The following SYNE1 variants were observed in gnomAD, a reference collection of about 807,000 sequenced individuals.
SYNE1 encodes the protein nesprin-1.
A neutral mutation model predicts 1,111.0 loss-of-function variants in SYNE1; 616 were observed. The observed-to-expected ratio is 0.55, with a 90% confidence interval of 0.52 to 0.59. The LOEUF is 0.59. Among genes scored for constraint, SYNE1 ranks in the 20% least tolerant of loss-of-function variants. SYNE1 has a pLI of 0.00. For missense variants in SYNE1, 10,006 were observed against 10,417.0 expected (o/e 0.96, Z 1.72); for synonymous variants, 3,855 against 3,825.8 (o/e 1.01, Z -0.28).
intron 3 of SYNE1, among the ~76,000 whole-genome samples, chr6:152,559,982 T>C (rs989212012): frequency 1.3e-5 from 2 of 152,180 alleles, no homozygotes; most frequent in African/African-American, 2.4e-5. Flanking sequence ...ATATGAACAA[T>C]TGTATATCAA....
chr6:152,311,006 A>G, intron 87 of SYNE1, 133 bp from the exon 88 acceptor site: 1 of 844,318 alleles, frequency 1.2e-6, no homozygotes, highest in Non-Finnish European at 1.9e-6. Flanking sequence ...ACCCCCCATG[A>G]CCACTTTCTA....
intron 95 of SYNE1, among the ~76,000 whole-genome samples, chr6:152,292,444 G>A (rs548223373): frequency 1.3e-5 from 2 of 152,260 alleles, no homozygotes; most frequent in African/African-American, 4.8e-5. Flanking sequence ...TATGCACTTC[G>A]ATCTCTATCT....
At position 152,167,845 on chromosome 6, in the gene SYNE1, C is replaced by T. The variant is rs182900578; in HGVS notation, c.23628-3520G>A. ...TACTCTAGCCATACTCCTTGTATGA[C>T]GCATACGGTCCAGAGACAACTGGAA... On this transcript the variant is annotated intron_variant, in intron 130 of 145. Coordinates refer to ENST00000367255, the MANE Select transcript of SYNE1 (RefSeq NM_182961.4). 102 of 649,804 alleles carry T rather than the reference C, an allele frequency of 1.6e-4. 2 individuals are homozygous for T. The highest frequency in any genetic ancestry group is 8.6e-4 in the African/African-American group (48 of 56,114). The allele number at this position is 649,804 out of a possible 1,614,324, so 40.3% of individuals were successfully genotyped here.
intron 3 of SYNE1, among the ~76,000 whole-genome samples, chr6:152,622,689 A>T (rs2099678179): frequency 6.6e-6 from 1 of 152,100 alleles, no homozygotes; most frequent in Non-Finnish European, 1.5e-5. Context: ...AGATTGATGC[A>T]ATGTCTTTAC....
chr6:152,211,385 G>T, intron 124 of SYNE1, 109 bp downstream of exon 124: 2 of 901,884 alleles, frequency 2.2e-6, no homozygotes, highest in Non-Finnish European at 1.8e-6. Flanking sequence ...CCCCACTACA[G>T]TTCAATTGCC....
intron 14 of SYNE1, chr6:152,480,662 C>T (rs1177490622): frequency 7.2e-6 from 3 of 416,326 alleles, no homozygotes; most frequent in African/African-American, 6.2e-5. Context: ...TACCCATGCC[C>T]AGGCCTAGTA....
chr6:152,139,932 A>G lies in SYNE1; in HGVS notation c.25458+18T>C. On this transcript the variant is annotated intron_variant, in intron 140 of 145. Coordinates refer to ENST00000367255, the MANE Select transcript of SYNE1 (RefSeq NM_182961.4). ...GGCTCTCTGTTTGTCCGCCGTGGGA[A>G]AGGCAAGGGGCAGCTACCTTGAGCT... 1 of 1,612,554 alleles carries G rather than the reference A, an allele frequency of 6.2e-7. No homozygotes were observed. The highest frequency in any genetic ancestry group is 8.5e-7 in the Non-Finnish European group (1 of 1,179,978).
At chr6:152,308,908 G>C (rs1467679312) in intron 90 of SYNE1, among the ~76,000 whole-genome samples, 1 of 152,188 alleles carries the variant, frequency 6.6e-6, no homozygotes, top group Non-Finnish European at 1.5e-5. Flanking sequence ...CCTGAAGATG[G>C]AACATGACGG....
chr6:152,246,133 C>A (rs2087063327), intron 105 of SYNE1, among the ~76,000 whole-genome samples: 1 of 152,108 alleles, frequency 6.6e-6, no homozygotes. Flanking sequence ...CCATAGAGAC[C>A]ATCCTGCAGG....
intron 128 of SYNE1, among the ~76,000 whole-genome samples, chr6:152,188,729 C>T (rs1190928688): frequency 2.0e-5 from 3 of 151,602 alleles, no homozygotes; most frequent in East Asian, 1.9e-4. Flanking sequence ...GAGGGCGAGG[C>T]GGACAAATCA....
intron 3 of SYNE1, among the ~76,000 whole-genome samples, chr6:152,594,514 C>T (rs1362295466): frequency 2.0e-5 from 3 of 152,134 alleles, no homozygotes; most frequent in Admixed American, 1.3e-4. Context: ...AACTTAATAT[C>T]CAATGAATCT....
intron 56 of SYNE1, among the ~76,000 whole-genome samples, chr6:152,379,845 G>A (rs1036109415): frequency 1.3e-5 from 2 of 152,206 alleles, no homozygotes; most frequent in East Asian, 1.9e-4. Context: ...GAACAGAATA[G>A]TAATGTAATC....
Position 152,334,030 on chromosome 6 carries a change from T to C in SYNE1, c.12772A>G (p.Thr4258Ala). ...VVEVFLEKFT[T>A]EWDNLARSDA... ...TACCTGGCCAAGTTATCCCATTCTGTAGTAAATTTTTCTAGGAACACTTCA... is the reference window on the plus strand; with the variant it reads ...TACCTGGCCAAGTTATCCCATTCTGCAGTAAATTTTTCTAGGAACACTTCA... The change falls in exon 77 of 146, where the codon ACA becomes GCA. Residue 4258 changes from threonine (T) to alanine (A), a missense_variant. Around this residue, in one of 7 missense-constraint regions of SYNE1, gnomAD observed 4,955 missense variants for 5,017.2 expected, o/e 0.99. Coordinates refer to ENST00000367255, the MANE Select transcript of SYNE1 (RefSeq NM_182961.4). 6.2e-7 allele frequency: 1 copy of C among 1,614,186 alleles called. No individual in the cohort carries two copies. Among genetic ancestry groups the C allele is most frequent in the East Asian group, 2.2e-5 (1 of 44,880 alleles).
Position 152,453,639 on chromosome 6 carries a change from G to A in SYNE1, c.2974C>T (p.Gln992Ter). 1.2e-6 allele frequency: 2 copies of A among 1,614,166 alleles called. No individual in the cohort carries two copies. The highest frequency in any genetic ancestry group is 1.7e-6 in the Non-Finnish European group (2 of 1,180,036). Reference sequence around the variant, plus strand: ...GCTTCCTGCAGCCCCTGCTGCTCCTGCTCTGGAAGGATGTCGGTGAGTTCA... The same window carrying A: ...GCTTCCTGCAGCCCCTGCTGCTCCTACTCTGGAAGGATGTCGGTGAGTTCA... The part of the protein sequence containing the change: ...CDELTDILPE[Q>*]EQQGLQEAVR... The change falls in exon 25 of 146, where the codon CAG becomes TAG. Residue 992 changes from glutamine to a stop codon, truncating the protein, a stop_gained. Coordinates refer to ENST00000367255, the MANE Select transcript of SYNE1 (RefSeq NM_182961.4). LOFTEE classifies it high-confidence loss of function.
intron 55 of SYNE1, 96 bp downstream of exon 55, chr6:152,385,578 C>T (rs1271121303): frequency 1.4e-6 from 2 of 1,418,014 alleles, no homozygotes; most frequent in Non-Finnish European, 2.0e-6. Flanking sequence ...AGGAAGGAAA[C>T]ATTTTAAATA....
chr6:152,214,503 G>A (rs1026736424), intron 122 of SYNE1, among the ~76,000 whole-genome samples: 3 of 152,220 alleles, frequency 2.0e-5, no homozygotes, highest in Admixed American at 2.0e-4. Context: ...TAATTCAGGT[G>A]ATGAAACTTC....
At chr6:152,231,966 A>G (rs1264567599) in intron 113 of SYNE1, 150 bp downstream of exon 113, 7 of 581,436 alleles carry the variant, frequency 1.2e-5, no homozygotes, top group East Asian at 9.2e-5. Flanking sequence ...TATAACTGAT[A>G]ATGCATTTTT....
chr6:152,163,206 TA>T (rs2062885160), intron 131 of SYNE1, among the ~76,000 whole-genome samples: 1 of 152,088 alleles, frequency 6.6e-6, no homozygotes, highest in African/African-American at 2.4e-5. Flanking sequence ...TTAGCAAGGA[TA>T]AATGAGGGGG....
chr6:152,627,771 C>T (rs754581568), intron 3 of SYNE1, among the ~76,000 whole-genome samples: 7 of 152,114 alleles, frequency 4.6e-5, no homozygotes, highest in African/African-American at 1.4e-4. Context: ...CTTATCACAT[C>T]GTTTCATCTC....
Sources: allele counts gnomAD v4.1 joint callset (sites outside exome capture counted in the v4.1 genomes callset), GRCh38; gene constraint gnomAD v4.1.1; regional missense constraint gnomAD v4.1.1; transcripts MANE v1.5; gene names NCBI Gene and HGNC (gene_info 2026-07-23, HGNC 2026-07-21).